Variants in ACACB observed in about 807,000 individuals in gnomAD.
The protein encoded by ACACB is acetyl-CoA carboxylase 2.
ACACB carries 209 observed loss-of-function variants against 278.8 expected under a neutral mutation model. The ratio of observed to expected loss-of-function variants is 0.75; its 90% CI spans 0.67 to 0.84. The LOEUF (loss-of-function observed/expected upper bound fraction) is 0.84, where lower values mean the gene tolerates loss of function less well. ACACB is among the 40% of genes least tolerant of loss of function. ACACB has a pLI of 0.00. For synonymous variants in ACACB, 1,174 were observed against 1,285.6 expected (o/e 0.91, Z 1.86); for missense variants, 2,850 against 3,269.0 (o/e 0.87, Z 3.13).
chr12:109,117,586 T>C (rs1187208008), intron 1 of ACACB, among the ~76,000 whole-genome samples: 2 of 152,108 alleles, frequency 1.3e-5, no homozygotes, highest in Non-Finnish European at 2.9e-5. Flanking sequence ...GTGCACATTT[T>C]GGTATAAACC....
chr12:109,164,250 T>G (rs965744594), intron 2 of ACACB, among the ~76,000 whole-genome samples: 10 of 152,168 alleles, frequency 6.6e-5, no homozygotes, highest in African/African-American at 2.2e-4. Flanking sequence ...TCTTTTTGTT[T>G]GAGATAGAGT....
chr12:109,194,492 A>G (rs11065798), intron 16 of ACACB, among the ~76,000 whole-genome samples: 65,768 of 127,362 alleles, frequency 0.52, 16,384 homozygotes, highest in Middle Eastern at 0.68. Context: ...CCACCCCCCA[A>G]CCTCTGCCTC....
rs2047137910 is a variant in ACACB, at chr12:109,253,065, G to A, written c.5952G>A (p.Gln1984=). ...CCAACAACCAGCTGGGTGGCGTTCA[G>A]ATCATGCATTACAATGGTGTCTCCC... The part of the protein sequence containing the change: ...YTSNNQLGGV[Q]IMHYNGVSHI... The change falls in exon 43 of 53, where the codon CAG becomes CAA. Residue 1984 remains glutamine (Q), a synonymous_variant. Coordinates refer to ENST00000338432, the MANE Select transcript of ACACB (RefSeq NM_001093.4). The A allele has an allele frequency of 6.2e-7, 1 of 1,613,484 alleles. No homozygotes were observed. Among genetic ancestry groups the A allele is most frequent in the South Asian group, 1.1e-5 (1 of 90,856 alleles).
Position 109,176,225 on chromosome 12 carries a change from G to C in ACACB, c.1399G>C (p.Ala467Pro). Residue 467 changes from alanine to proline, a missense_variant, in exon 9 of 53, where the codon GCT (alanine) becomes CCT (proline). By Grantham distance (27) the Ala-to-Pro change is conservative. This residue lies in a region of ACACB where 2,265 missense variants were observed against 2,561.3 expected (regional missense o/e 0.88). Coordinates refer to ENST00000338432, the MANE Select transcript of ACACB (RefSeq NM_001093.4). The part of the protein sequence containing the change: ...EGGGGKGIRK[A>P]ESAEDFPILF... ...TGGCGGAGGGAAGGGAATCCGGAAG[G>C]CTGAGAGTGCGGAGGACTTCCCGAT... 1.2e-6 allele frequency: 2 copies of C among 1,614,202 alleles called. No individual in the cohort carries two copies. The highest frequency in any genetic ancestry group is 1.7e-6 in the Non-Finnish European group (2 of 1,180,028).
chr12:109,210,233 GTATATA>G (rs1336468593), intron 21 of ACACB, among the ~76,000 whole-genome samples: 1 of 6,836 alleles, frequency 1.5e-4, no homozygotes, highest in Non-Finnish European at 2.7e-4. Context: ...GTGTGTATAT[GTATATA>G]TGTATATATA....
At chr12:109,264,542 CG>C (rs1207717854) in intron 50 of ACACB, among the ~76,000 whole-genome samples, 156 bp downstream of exon 50, 1 of 152,102 alleles carries the variant, frequency 6.6e-6, no homozygotes, top group African/African-American at 2.4e-5. Context: ...AAAATAATCC[CG>C]ATCCCCAGGT....
chr12:109,124,581 C>G (rs371877169), intron 1 of ACACB, among the ~76,000 whole-genome samples: 39 of 152,210 alleles, frequency 2.6e-4, no homozygotes, highest in African/African-American at 9.2e-4. Flanking sequence ...CACCCTCTTG[C>G]CGAATGACTT....
intron 24 of ACACB, among the ~76,000 whole-genome samples, chr12:109,219,477 G>C (rs926845363): frequency 6.6e-6 from 1 of 152,156 alleles, no homozygotes; most frequent in Admixed American, 6.5e-5. Context: ...GTAGGGCCCA[G>C]GCATTAGTGC....
At chr12:109,152,168 A>G (rs928386283) in intron 2 of ACACB, among the ~76,000 whole-genome samples, 1 of 152,224 alleles carries the variant, frequency 6.6e-6, no homozygotes, top group Non-Finnish European at 1.5e-5. Flanking sequence ...TTTTTGCAAT[A>G]GAGAATAAAA....
At chr12:109,155,238 C>T (rs770706515) in intron 2 of ACACB, among the ~76,000 whole-genome samples, 7 of 152,168 alleles carry the variant, frequency 4.6e-5, no homozygotes, top group Non-Finnish European at 8.8e-5. Context: ...CACGCCTTCC[C>T]CGCTTTCTCT....
intron 2 of ACACB, among the ~76,000 whole-genome samples, chr12:109,165,706 C>T (rs570448702): frequency 2.6e-5 from 4 of 152,120 alleles, no homozygotes; most frequent in African/African-American, 9.7e-5. Flanking sequence ...ACATTGAATA[C>T]CCAGTTTGCT....
rs753766230 is a variant in ACACB at position 109,216,831 on chromosome 12, C to G, written c.3475C>G (p.Gln1159Glu). 6.2e-7 allele frequency: 1 copy of G among 1,614,136 alleles called. No individual in the cohort carries two copies. The highest frequency in any genetic ancestry group is 1.1e-5 in the South Asian group (1 of 91,086). Residue 1159 changes from glutamine (Q) to glutamate (E), a missense_variant, in exon 24 of 53, where the codon CAG (glutamine) becomes GAG (glutamate). This residue lies in a region of ACACB where 2,265 missense variants were observed against 2,561.3 expected (regional missense o/e 0.88). Transcript: ENST00000338432. ...YDKCVINLRE[Q>E]FKPDMSQVLD... ...CAAGTGTGTGATAAACCTCAGGGAG[C>G]AGTTCAAGCCAGACATGTCCCAGGT... is the stretch of plus-strand genomic sequence containing the variant.
chr12:109,128,728 C>T (rs1005103373), intron 1 of ACACB, among the ~76,000 whole-genome samples: 10 of 151,244 alleles, frequency 6.6e-5, no homozygotes, highest in Non-Finnish European at 1.0e-4. Flanking sequence ...AACCCAAAGT[C>T]TACAGAAGTA....
intron 11 of ACACB, among the ~76,000 whole-genome samples, chr12:109,185,194 C>T (rs2044611794): frequency 6.6e-6 from 1 of 152,210 alleles, no homozygotes; most frequent in African/African-American, 2.4e-5. Context: ...TTTACCCATT[C>T]TTCATGTCCA....
At chr12:109,206,310 T>C (rs1390159119) in intron 19 of ACACB, among the ~76,000 whole-genome samples, 1 of 151,616 alleles carries the variant, frequency 6.6e-6, no homozygotes, top group African/African-American at 2.4e-5. Context: ...GGCCTGCGCC[T>C]GTAGTCCCAG....
chr12:109,168,024 G>C lies in ACACB; in HGVS notation c.915G>C (p.Lys305Asn), dbSNP rs759233676. Residue 305 changes from lysine (K) to asparagine (N), a missense_variant, in exon 4 of 53, where the codon AAG (lysine) becomes AAC (asparagine). Physicochemically the swap from Lys to Asn is moderately conservative, Grantham distance 94. Coordinates refer to ENST00000338432, the MANE Select transcript of ACACB (RefSeq NM_001093.4). ...FVVMVTPEDL[K>N]ANAEYIKMAD... ...TGATGGTGACCCCCGAGGACCTTAA[G>C]GCCAACGCAGGTACCTGGGCCTTGA... The C allele has an allele frequency of 2.5e-6, 4 of 1,609,260 alleles. No individual in the cohort carries two copies. Among genetic ancestry groups the C allele is most frequent in the Non-Finnish European group, 2.5e-6 (3 of 1,177,198 alleles).
chr12:109,258,521 C>G (rs1184707243), intron 46 of ACACB, among the ~76,000 whole-genome samples, 157 bp downstream of exon 46: 5 of 152,186 alleles, frequency 3.3e-5, no homozygotes, highest in African/African-American at 1.2e-4. Context: ...GCCTGTTTCT[C>G]TGACACTTTC....
intron 2 of ACACB, among the ~76,000 whole-genome samples, 197 bp from the exon 3 acceptor site, chr12:109,166,664 A>AAAAAAC (rs1565880026): frequency 2.1e-5 from 3 of 143,878 alleles, no homozygotes; most frequent in East Asian, 4.0e-4. Flanking sequence ...AAAAAAAAAA[A>AAAAAAC]AAAAAAAAAA....
At chr12:109,225,192 C>T (rs1002754108) in intron 27 of ACACB, among the ~76,000 whole-genome samples, 5 of 152,158 alleles carry the variant, frequency 3.3e-5, no homozygotes, top group East Asian at 1.9e-4. Context: ...CAGGTCTTGC[C>T]GTGTTGACCA....
Sources: gnomAD v4.1 joint callset for allele counts (sites outside exome capture counted in the v4.1 genomes callset) on GRCh38, gnomAD v4.1.1 for gene constraint, gnomAD v4.1.1 regional missense constraint, MANE v1.5 for transcripts, NCBI Gene and HGNC (gene_info 2026-07-23, HGNC 2026-07-21) for gene names.